Variants in PLSCR4 observed in about 807,000 individuals in gnomAD.
PLSCR4 encodes Ca(2+)-dependent phospholipid scramblase 4.
In PLSCR4, 25 loss-of-function variants were observed where a neutral mutation model predicts 36.3. The observed-to-expected ratio is 0.69, with a 90% CI of 0.50 to 0.96. The LOEUF (loss-of-function observed/expected upper bound fraction) is 0.96, where lower values mean the gene tolerates loss of function less well. Ranked by LOEUF, PLSCR4 falls within the 40% of genes least tolerant of loss-of-function variation. The pLI, the probability that PLSCR4 is intolerant of heterozygous loss-of-function variation, is 0.00. For missense variants in PLSCR4, 408 were observed against 414.7 expected, an observed-to-expected ratio of 0.98 and a Z score of 0.14; for synonymous variants, 122 against 132.9, an observed-to-expected ratio of 0.92 and a Z score of 0.56.
intron 4 of PLSCR4, among the ~76,000 whole-genome samples, chr3:146,201,471 G>A (rs1484314122): frequency 6.6e-6 from 1 of 152,020 alleles, no homozygotes; most frequent in Non-Finnish European, 1.5e-5. Flanking sequence ...AGTTCAGAAC[G>A]ATTAACACGG....
chr3:146,242,812 A>G (rs928243921), intron 1 of PLSCR4, among the ~76,000 whole-genome samples: 1 of 152,208 alleles, frequency 6.6e-6, no homozygotes, highest in African/African-American at 2.4e-5. Flanking sequence ...ATGTCTTTAC[A>G]GTTGTAAAGG....
intron 4 of PLSCR4, among the ~76,000 whole-genome samples, chr3:146,203,079 A>G (rs192905307): frequency 1.9e-3 from 290 of 152,138 alleles, no homozygotes; most frequent in Non-Finnish European, 3.1e-3. Flanking sequence ...ACCTCTTCCC[A>G]TGAATCATGA....
chr3:146,222,717 G>C (rs972600454), intron 1 of PLSCR4, among the ~76,000 whole-genome samples: 1 of 152,286 alleles, frequency 6.6e-6, no homozygotes, highest in East Asian at 1.9e-4. Flanking sequence ...AAGGGGTTTG[G>C]CATTTTTGGT....
rs142575955 is a variant in PLSCR4 at position 146,204,922 on chromosome 3, A to G, written c.354+1604T>C. ...ATTTTGTCAAAATTTTGTCCAAATA[A>G]TAATTTAGGATAAATTTTGGCTTTT... On this transcript the variant is annotated intron_variant, in intron 4 of 8. Coordinates refer to ENST00000354952, the MANE Select transcript of PLSCR4 (RefSeq NM_020353.3). Among the ~76,000 whole-genome samples the G allele has an allele frequency of 1.5e-3, 222 of 152,202 alleles. 2 individuals are homozygous for G. The highest frequency in any genetic ancestry group is 4.8e-3 in the African/African-American group (198 of 41,554).
In PLSCR4 at chr3:146,194,229, T is replaced by C. The variant is rs1206810215; in HGVS notation, c.*182A>G. ...CCTATTCTACTAGAGAGATACTCAA[T>C]TGAAACACACTTTTAGATTGTGTTC... On this transcript the variant is annotated 3_prime_UTR_variant, in exon 9 of 9. Coordinates refer to ENST00000354952, the MANE Select transcript of PLSCR4 (RefSeq NM_020353.3). 5.2e-6 allele frequency: 3 copies of C among 579,618 alleles called. No homozygotes were observed. Among genetic ancestry groups the C allele is most frequent in the Non-Finnish European group, 9.2e-6 (3 of 325,780 alleles). 35.9% of individuals were successfully genotyped at this position (579,618 alleles called of 1,614,324 possible). A position where few individuals can be genotyped will look rare whatever the true frequency, so the allele number is the denominator to read the frequency against.
At chr3:146,196,865 CA>C in intron 6 of PLSCR4, 72 bp from the exon 7 acceptor site, 1 of 1,307,552 alleles carries the variant, frequency 7.6e-7, no homozygotes, top group Non-Finnish European at 1.1e-6. Flanking sequence ...CGCACATACA[CA>C]ATCTAGATGT....
At chr3:146,201,010 T>C in intron 5 of PLSCR4, 25 bp downstream of exon 5, 1 of 1,460,402 alleles carries the variant, frequency 6.8e-7, no homozygotes. Context: ...AAAATACTGC[T>C]GAGCACTACA....
At chr3:146,201,730 T>C (rs989433561) in intron 4 of PLSCR4, among the ~76,000 whole-genome samples, 3 of 152,048 alleles carry the variant, frequency 2.0e-5, no homozygotes, top group Non-Finnish European at 4.4e-5. Context: ...GAAACATTGT[T>C]AGATGGCAAC....
At chr3:146,226,880 A>G (rs1210576125) in intron 1 of PLSCR4, among the ~76,000 whole-genome samples, 2 of 152,276 alleles carry the variant, frequency 1.3e-5, no homozygotes, top group Non-Finnish European at 2.9e-5. Context: ...AAAGAAAACT[A>G]GCTACATATT....
At chr3:146,209,234 T>C (rs369329500) in intron 3 of PLSCR4, among the ~76,000 whole-genome samples, 3 of 151,814 alleles carry the variant, frequency 2.0e-5, no homozygotes, top group Non-Finnish European at 2.9e-5. Flanking sequence ...ATAGAAATGA[T>C]ACAATGGAAT....
At chr3:146,195,084 G>A in intron 8 of PLSCR4, 40 bp downstream of exon 8, 1 of 1,588,340 alleles carries the variant, frequency 6.3e-7, no homozygotes, top group Non-Finnish European at 8.6e-7. Flanking sequence ...CCATCAGAAA[G>A]AACAACTCTC....
chr3:146,227,251 T>C (rs1200716619), intron 1 of PLSCR4, among the ~76,000 whole-genome samples: 1 of 152,158 alleles, frequency 6.6e-6, no homozygotes, highest in East Asian at 1.9e-4. Context: ...GAGCTGTTAA[T>C]TGCAGAGGCC....
chr3:146,195,407 A>G, intron 7 of PLSCR4, 125 bp from the exon 8 acceptor site: 4 of 802,708 alleles, frequency 5.0e-6, no homozygotes, highest in Non-Finnish European at 7.9e-6. Context: ...ATAATTTGAA[A>G]TGAGAAAATA....
rs896164387 is a variant in PLSCR4 at position 146,192,577 on chromosome 3, C to T, written c.*1834G>A. 1 of 151,256 alleles carries T rather than the reference C, an allele frequency of 6.6e-6. No homozygotes were observed. The highest frequency in any genetic ancestry group is 2.4e-5 in the African/African-American group (1 of 41,234). The allele number at this position is 151,256 out of a possible 1,614,324, so 9.4% of individuals were successfully genotyped here. On this transcript the variant is annotated 3_prime_UTR_variant, in exon 9 of 9. Coordinates refer to ENST00000354952, the MANE Select transcript of PLSCR4 (RefSeq NM_020353.3). ...TTTTTAAAAAAGAAATTAAAAATAT[C>T]ACGTCTTATGCTAAATATATATAGA...
At position 146,222,063 on chromosome 3, in the gene PLSCR4, A is replaced by T; in HGVS notation, c.7+2T>A. On this transcript the variant is annotated splice_donor_variant, in intron 2 of 8. Transcript: ENST00000354952. LOFTEE classifies it high-confidence loss of function. ...TATTCAAATTTATTCACAAAAACTT[A>T]CCTGACATTTTGAAGAATTCCAATT... The T allele has an allele frequency of 8.1e-7, 1 of 1,240,298 alleles. No homozygotes were observed. The highest frequency in any genetic ancestry group is 2.7e-5 in the East Asian group (1 of 36,534). The allele number at this position is 1,240,298 out of a possible 1,614,324, so 76.8% of individuals were successfully genotyped here.
chr3:146,210,804 C>T (rs897366492), intron 3 of PLSCR4, among the ~76,000 whole-genome samples: 3 of 151,684 alleles, frequency 2.0e-5, no homozygotes, highest in Non-Finnish European at 2.9e-5. Flanking sequence ...GCCTAATCTA[C>T]ACTTTTCATG....
chr3:146,202,180 C>A (rs532424613), intron 4 of PLSCR4, among the ~76,000 whole-genome samples: 2 of 151,686 alleles, frequency 1.3e-5, no homozygotes, highest in East Asian at 3.9e-4. Flanking sequence ...TCATAAAATA[C>A]CAAAAGTGAC....
intron 1 of PLSCR4, among the ~76,000 whole-genome samples, chr3:146,226,682 G>C (rs905678231): frequency 3.0e-4 from 45 of 152,114 alleles, no homozygotes; most frequent in Admixed American, 2.9e-3. Context: ...ACAGTTCCAG[G>C]TGATCCTTAT....
chr3:146,238,924 C>CA (rs1381983404), intron 1 of PLSCR4, among the ~76,000 whole-genome samples: 1 of 152,080 alleles, frequency 6.6e-6, no homozygotes, highest in Non-Finnish European at 1.5e-5. Flanking sequence ...CAGCAGGATA[C>CA]AAGACCATTA....
Sources: allele counts gnomAD v4.1 joint callset (sites outside exome capture counted in the v4.1 genomes callset), GRCh38; gene constraint gnomAD v4.1.1; transcripts MANE v1.5; gene names NCBI Gene and HGNC (gene_info 2026-07-23, HGNC 2026-07-21).